ZMYND11: variants seen among roughly 807,000 people sequenced by gnomAD.
ZMYND11 encodes the protein zinc finger MYND domain-containing protein 11.
In ZMYND11, 9 loss-of-function variants were observed where a neutral mutation model predicts 84.9. The ratio of observed to expected loss-of-function variants is 0.11; its 90% CI spans 0.06 to 0.18. ZMYND11 has a LOEUF of 0.18. Ranked by LOEUF, ZMYND11 falls within the 10% of genes least tolerant of loss-of-function variation. The pLI, the probability that ZMYND11 is intolerant of heterozygous loss-of-function variation, is 1.00. For missense variants in ZMYND11, 409 were observed against 761.0 expected (o/e 0.54, Z 5.44); for synonymous variants, 250 against 244.1 (o/e 1.02, Z -0.23).
chr10:161,271 A>AT (rs1311831675), intron 1 of ZMYND11, among the ~76,000 whole-genome samples: 1 of 152,072 alleles, frequency 6.6e-6, no homozygotes, highest in African/African-American at 2.4e-5. Context: ...AAAGGAATCT[A>AT]TTTTTCTGAG....
chr10:238,918 A>AC (rs1950434243), intron 6 of ZMYND11, among the ~76,000 whole-genome samples: 1 of 152,220 alleles, frequency 6.6e-6, no homozygotes, highest in Non-Finnish European at 1.5e-5. Flanking sequence ...GATTTGTCAC[A>AC]GACAGGGACA....
chr10:184,395 C>T (rs1003865615), intron 2 of ZMYND11, among the ~76,000 whole-genome samples: 1 of 152,018 alleles, frequency 6.6e-6, no homozygotes, highest in Non-Finnish European at 1.5e-5. Flanking sequence ...TAATTCTTTT[C>T]ATCTTTTTTC....
chr10:232,649 T>C (rs1162798547), intron 4 of ZMYND11, among the ~76,000 whole-genome samples: 1 of 152,114 alleles, frequency 6.6e-6, no homozygotes, highest in Non-Finnish European at 1.5e-5. Flanking sequence ...AGATCCCTCA[T>C]TTATCACCAA....
rs1464864591 is a variant in ZMYND11 at position 241,906 on chromosome 10, TA to T, written c.832-114del. The T allele has an allele frequency of 9.9e-6, 13 of 1,313,538 alleles. No individual in the cohort carries two copies. The African/African-American group carries it at 1.5e-4, about 15-fold the overall frequency. The allele number at this position is 1,313,538 out of a possible 1,614,324, so 81.4% of individuals were successfully genotyped here. On this transcript the variant is annotated intron_variant, in intron 9 of 14. Transcript: ENST00000381604. ...AAAAATCTCGTATGTGTTTAGGAGT[TA>T]TGAAAGAAATATTTTAGAAATAATG...
chr10:141,569 A>G (rs1392378705), intron 1 of ZMYND11, among the ~76,000 whole-genome samples: 1 of 152,200 alleles, frequency 6.6e-6, no homozygotes, highest in African/African-American at 2.4e-5. Context: ...ATTTATCCCA[A>G]TTTGTAACTT....
chr10:188,287 C>T (rs1162988318), intron 2 of ZMYND11, among the ~76,000 whole-genome samples: 1 of 152,080 alleles, frequency 6.6e-6, no homozygotes, highest in Non-Finnish European at 1.5e-5. Context: ...CTTTGAATCA[C>T]TGACTTTCCC....
chr10:248,277 C>G, intron 12 of ZMYND11, 59 bp from the exon 13 acceptor site: 4 of 1,568,678 alleles, frequency 2.5e-6, no homozygotes, highest in East Asian at 4.5e-5. Flanking sequence ...TGGGGTAGTT[C>G]TTGAACTGGT....
intron 4 of ZMYND11, among the ~76,000 whole-genome samples, chr10:221,591 C>T (rs959384171): frequency 4.1e-4 from 62 of 152,136 alleles, no homozygotes; most frequent in Non-Finnish European, 7.1e-4. Flanking sequence ...CTTCCCTTCC[C>T]TTACCTGCCT....
chr10:167,246 T>G (rs782055513), intron 1 of ZMYND11, among the ~76,000 whole-genome samples: 11 of 152,200 alleles, frequency 7.2e-5, no homozygotes, highest in Non-Finnish European at 1.3e-4. Flanking sequence ...AATTCTATAT[T>G]AATATATATT....
At chr10:205,295 A>G (rs1320608311) in intron 2 of ZMYND11, among the ~76,000 whole-genome samples, 1 of 152,058 alleles carries the variant, frequency 6.6e-6, no homozygotes, top group Admixed American at 6.6e-5. Context: ...TTTCCTTTTT[A>G]TATATAGCTG....
intron 10 of ZMYND11, among the ~76,000 whole-genome samples, chr10:246,165 A>T (rs1037432104): frequency 6.6e-6 from 1 of 152,238 alleles, no homozygotes; most frequent in African/African-American, 2.4e-5. Flanking sequence ...TTCACAGCTA[A>T]GTACACTGTG....
At chr10:175,015 A>G (rs916031795) in intron 1 of ZMYND11, among the ~76,000 whole-genome samples, 4 of 152,216 alleles carry the variant, frequency 2.6e-5, no homozygotes, top group African/African-American at 9.7e-5. Context: ...TGGGCACTAC[A>G]GTGGCACATG....
chr10:170,040 A>C (rs1844922191), intron 1 of ZMYND11, among the ~76,000 whole-genome samples: 1 of 152,116 alleles, frequency 6.6e-6, no homozygotes, highest in Non-Finnish European at 1.5e-5. Flanking sequence ...CAGAGGAATA[A>C]ACACTTTACC....
intron 2 of ZMYND11, among the ~76,000 whole-genome samples, chr10:200,981 A>G (rs536796534): frequency 1.3e-4 from 20 of 152,204 alleles, no homozygotes; most frequent in African/African-American, 4.3e-4. Context: ...GAAATTCAAC[A>G]TTTCTAATCT....
rs143576033 is a variant in ZMYND11 at position 209,637 on chromosome 10, A to G, written c.117-252A>G. The stretch of plus-strand genomic sequence containing the variant: ...ATTCGCTGATTTGGGACTATTTTGA[A>G]CATATCTTGGTCTAATCATTACAGA... On this transcript the variant is annotated intron_variant, in intron 2 of 14. Transcript: ENST00000381604. Among the ~76,000 whole-genome samples, 156 of 152,344 alleles carry G rather than the reference A, an allele frequency of 1.0e-3. 1 individual carries two copies. The highest frequency in any genetic ancestry group is 3.6e-3 in the African/African-American group (148 of 41,580).
At chr10:163,101 G>A (rs1843270500) in intron 1 of ZMYND11, among the ~76,000 whole-genome samples, 1 of 151,954 alleles carries the variant, frequency 6.6e-6, no homozygotes, top group African/African-American at 2.4e-5. Context: ...GTCTTTAGTC[G>A]GCCTTCACTA....
chr10:171,908 A>G, intron 1 of ZMYND11, among the ~76,000 whole-genome samples: 1 of 152,226 alleles, frequency 6.6e-6, no homozygotes, highest in East Asian at 1.9e-4. Context: ...CTGTAACAAA[A>G]TACCACAGAC....
At chr10:183,249 T>C (rs1848256245) in intron 2 of ZMYND11, among the ~76,000 whole-genome samples, 1 of 151,776 alleles carries the variant, frequency 6.6e-6, no homozygotes, top group Non-Finnish European at 1.5e-5. Flanking sequence ...TGGAACTGAT[T>C]GAAGAAACCT....
intron 2 of ZMYND11, among the ~76,000 whole-genome samples, chr10:199,341 CTCTG>C (rs1942578138): frequency 7.3e-6 from 1 of 137,064 alleles, no homozygotes; most frequent in African/African-American, 2.6e-5. Context: ...CTCCCTCCGT[CTCTG>C]TCTCTTTCTT....
Sources: gnomAD v4.1 joint callset for allele counts (sites outside exome capture counted in the v4.1 genomes callset) on GRCh38, gnomAD v4.1.1 for gene constraint, MANE v1.5 for transcripts, NCBI Gene and HGNC (gene_info 2026-07-23, HGNC 2026-07-21) for gene names.